DGKB: variants seen among roughly 807,000 people sequenced by gnomAD.
DGKB encodes the protein diacylglycerol kinase beta.
Under a neutral mutation model 114.3 loss-of-function variants are expected in DGKB, and 67 were observed. The observed-to-expected ratio is 0.59, with a 90% CI of 0.48 to 0.72. The LOEUF (loss-of-function observed/expected upper bound fraction) is 0.72. Ranked by LOEUF, DGKB falls within the 30% of genes least tolerant of loss-of-function variation. DGKB has a pLI of 0.00. For synonymous variants in DGKB, 398 were observed against 323.1 expected (o/e 1.23, Z -2.49); for missense variants, 907 against 975.2 (o/e 0.93, Z 0.93).
intron 23 of DGKB, among the ~76,000 whole-genome samples, chr7:14,334,076 A>G (rs1241586364): frequency 6.6e-6 from 1 of 152,126 alleles, no homozygotes; most frequent in Non-Finnish European, 1.5e-5. Context: ...GGAAAAATAC[A>G]TCTTATGGTG....
intron 20 of DGKB, among the ~76,000 whole-genome samples, chr7:14,572,654 A>G (rs1188490232): frequency 6.6e-6 from 1 of 152,140 alleles, no homozygotes; most frequent in Non-Finnish European, 1.5e-5. Flanking sequence ...GATTGGAAAC[A>G]ATCAATATGT....
chr7:14,962,527 T>C (rs772386794), intron 1 of DGKB, among the ~76,000 whole-genome samples: 17 of 152,114 alleles, frequency 1.1e-4, no homozygotes, highest in Non-Finnish European at 2.1e-4. Context: ...TTTGTCTCTT[T>C]CTTTTTACTC....
At chr7:14,472,491 A>C (rs1781566831) in intron 21 of DGKB, among the ~76,000 whole-genome samples, 1 of 152,144 alleles carries the variant, frequency 6.6e-6, no homozygotes, top group Non-Finnish European at 1.5e-5. Context: ...CCAATCTCTA[A>C]TTAATGTCTA....
At chr7:14,422,105 T>A (rs1472250431) in intron 21 of DGKB, among the ~76,000 whole-genome samples, 1 of 152,044 alleles carries the variant, frequency 6.6e-6, no homozygotes, top group Non-Finnish European at 1.5e-5. Flanking sequence ...ATCTCCTTTA[T>A]CAATTTGCTG....
chr7:14,746,007 T>C (rs1431905665), intron 4 of DGKB, among the ~76,000 whole-genome samples: 1 of 152,220 alleles, frequency 6.6e-6, no homozygotes, highest in Non-Finnish European at 1.5e-5. Flanking sequence ...TTTTATTTTC[T>C]GACAGCTCTA....
At chr7:14,451,556 T>TCTCC (rs1554442071) in intron 21 of DGKB, among the ~76,000 whole-genome samples, 1 of 151,698 alleles carries the variant, frequency 6.6e-6, no homozygotes, top group Non-Finnish European at 1.5e-5. Context: ...TCTCTCTCTC[T>TCTCC]CTCTCTCTCT....
rs192544721 is a variant in DGKB at position 14,156,418 on chromosome 7, G to A, written c.2305-7180C>T. Among the ~76,000 whole-genome samples the A allele has an allele frequency of 7.5e-4, 114 of 152,122 alleles. 1 individual carries two copies. Among genetic ancestry groups the A allele is most frequent in the Admixed American group, 7.1e-3 (109 of 15,252 alleles). ...TGTGGTCTCTGAACTACTCAACACT[G>A]CCCTTATACAGCAAAGGCAGTTTTG... On this transcript the variant is annotated intron_variant, in intron 25 of 25. Transcript: ENST00000402815.
upstream of DGKB, chr7:14,903,369 G>A (rs1009792373): frequency 6.6e-6 from 1 of 152,350 alleles, no homozygotes; most frequent in Admixed American, 6.6e-5. Context: ...AATGAGACAG[G>A]GAGACAAGGC....
At chr7:14,284,896 G>A (rs1800607710) in intron 23 of DGKB, among the ~76,000 whole-genome samples, 1 of 149,768 alleles carries the variant, frequency 6.7e-6, no homozygotes, top group African/African-American at 2.5e-5. Context: ...AGCATTGGGA[G>A]ATATACCTAA....
At chr7:14,285,413 C>T (rs1381872212) in intron 23 of DGKB, among the ~76,000 whole-genome samples, 2 of 152,180 alleles carry the variant, frequency 1.3e-5, no homozygotes, top group African/African-American at 4.8e-5. Flanking sequence ...ATGCCCTTTT[C>T]ACTGGTGTTT....
intron 23 of DGKB, among the ~76,000 whole-genome samples, chr7:14,299,266 G>T (rs1803096154): frequency 6.6e-6 from 1 of 152,066 alleles, no homozygotes; most frequent in South Asian, 2.1e-4. Context: ...AATCATTTCA[G>T]GTTGTCTATA....
At chr7:14,582,741 T>C (rs1201983601) in intron 18 of DGKB, among the ~76,000 whole-genome samples, 4 of 152,164 alleles carry the variant, frequency 2.6e-5, no homozygotes, top group African/African-American at 9.6e-5. Flanking sequence ...ATACTAAGAC[T>C]GCTCCTTCAG....
At chr7:14,242,397 A>T (rs1379117950) in intron 23 of DGKB, among the ~76,000 whole-genome samples, 2 of 152,132 alleles carry the variant, frequency 1.3e-5, no homozygotes, top group African/African-American at 4.8e-5. Flanking sequence ...TTCTGCCTCT[A>T]CTTTGGCTTA....
intron 20 of DGKB, among the ~76,000 whole-genome samples, chr7:14,530,200 A>G (rs550377029): frequency 1.6e-4 from 25 of 151,782 alleles, no homozygotes; most frequent in African/African-American, 5.5e-4. Flanking sequence ...TTGCTTTTCA[A>G]AAAATAAAAT....
chr7:14,769,097 GAAAGAA>G (rs1562487136), intron 2 of DGKB, among the ~76,000 whole-genome samples: 3 of 99,088 alleles, frequency 3.0e-5, no homozygotes, highest in African/African-American at 9.2e-5. Flanking sequence ...AAGAAAGAAA[GAAAGAA>G]AGAAAGAAAG....
At chr7:14,324,394 C>T (rs1234223807) in intron 23 of DGKB, among the ~76,000 whole-genome samples, 2 of 149,640 alleles carry the variant, frequency 1.3e-5, no homozygotes, top group Non-Finnish European at 3.0e-5. Flanking sequence ...TTGTACTGAG[C>T]CAAGATTGCA....
At chr7:14,822,756 TAGA>T (rs1344651790) in intron 2 of DGKB, among the ~76,000 whole-genome samples, 2 of 152,172 alleles carry the variant, frequency 1.3e-5, no homozygotes, top group African/African-American at 2.4e-5. Context: ...AGTGAGTTGA[TAGA>T]AGGTTAAATA....
At chr7:14,478,304 A>T in intron 20 of DGKB, 79 bp from the exon 21 acceptor site, 1 of 860,992 alleles carries the variant, frequency 1.2e-6, no homozygotes, top group Non-Finnish European at 1.7e-6. Flanking sequence ...TAAATAAAAA[A>T]ATAACATTTC....
chr7:14,174,839 T>C (rs934510973), intron 25 of DGKB, among the ~76,000 whole-genome samples: 7 of 152,298 alleles, frequency 4.6e-5, no homozygotes, highest in South Asian at 2.1e-4. Context: ...TCCATGTGAA[T>C]AGAATAATGT....
Sources: gnomAD v4.1 joint callset for allele counts (sites outside exome capture counted in the v4.1 genomes callset) on GRCh38, gnomAD v4.1.1 for gene constraint, MANE v1.5 for transcripts, NCBI Gene and HGNC (gene_info 2026-07-23, HGNC 2026-07-21) for gene names.